Variants in MYH11 observed in about 807,000 individuals in gnomAD.
MYH11 encodes myosin heavy chain 11, also known as myosin-11.
MYH11 carries 80 observed loss-of-function variants against 246.6 expected under a neutral mutation model. That is an observed-to-expected ratio of 0.32 (90% CI 0.27 to 0.39). The LOEUF is 0.39. MYH11 is among the 10% of genes least tolerant of loss of function. The pLI is 1.00. For missense variants in MYH11, 2,158 were observed against 2,546.8 expected (o/e 0.85, Z 3.29); for synonymous variants, 1,071 against 1,015.5 (o/e 1.05, Z -1.04).
intron 38 of MYH11, among the ~76,000 whole-genome samples, chr16:15,715,829 A>G (rs1351591763): frequency 6.6e-6 from 1 of 152,062 alleles, no homozygotes; most frequent in Non-Finnish European, 1.5e-5. Context: ...AGTTTTTCAT[A>G]GAAACGGAGT....
chr16:15,760,531 C>T lies in MYH11; in HGVS notation c.1248+9G>A. ...TGCATGGATGGATAAGTGATAAGTACATCATTACCTGTTCTTTTGTCTGAG... is the reference window on the plus strand; with the variant it reads ...TGCATGGATGGATAAGTGATAAGTATATCATTACCTGTTCTTTTGTCTGAG... On this transcript the variant is annotated intron_variant, in intron 11 of 40. Coordinates refer to ENST00000300036, the MANE Select transcript of MYH11 (RefSeq NM_002474.3). 2 of 1,581,642 alleles carry T rather than the reference C, an allele frequency of 1.3e-6. No homozygotes were observed. The highest frequency in any genetic ancestry group is 1.7e-6 in the Non-Finnish European group (2 of 1,150,516).
At chr16:15,848,228 CTTTTTTTTTTTT>C (rs71134473) in intron 1 of MYH11, among the ~76,000 whole-genome samples, 1 of 104,380 alleles carries the variant, frequency 9.6e-6, no homozygotes, top group African/African-American at 3.4e-5. Flanking sequence ...GTTGCTAAGT[CTTTTTTTTTTTT>C]TTTTTTTTTT....
chr16:15,715,224 C>T lies in MYH11; in HGVS notation c.5553G>A (p.Leu1851=), dbSNP rs537426836. Residue 1851 remains leucine (L), a synonymous_variant, in exon 39 of 41, where the codon CTG becomes CTA. Transcript: ENST00000300036. ...CCTCCACCTGCAGCAAGATTTCCTTCAGCTTCTTGTCTTTCTGCTTCAGCG... is the reference window on the plus strand; with the variant it reads ...CCTCCACCTGCAGCAAGATTTCCTTTAGCTTCTTGTCTTTCTGCTTCAGCG... ...TKSLKQKDKK[L]KEILLQVEDE... is the part of the protein sequence containing the mutation. 7 of 1,614,164 alleles carry T rather than the reference C, an allele frequency of 4.3e-6. 1 individual carries two copies. In the East Asian group the frequency reaches 1.1e-4, roughly 26 times the overall value.
rs767291282 is a variant in MYH11, at chr16:15,740,114, G to C, written c.2934C>G (p.Ala978=). ...TCTCATCCTCCAGTTTCTTGATCTT[G>C]GCCTCAGCCGTGACCTTCTCAAGTT... The part of the protein sequence containing the change: ...KLQLEKVTAE[A]KIKKLEDEIL... Residue 978 remains alanine (A), a synonymous_variant, in exon 23 of 41, where the codon GCC becomes GCG. Coordinates refer to ENST00000300036, the MANE Select transcript of MYH11 (RefSeq NM_002474.3). The C allele has an allele frequency of 6.2e-7, 1 of 1,614,190 alleles. No homozygotes were observed. Among genetic ancestry groups the C allele is most frequent in the South Asian group, 1.1e-5 (1 of 91,092 alleles).
Position 15,750,459 on chromosome 16 carries a change from T to G in MYH11, c.1865-128A>C. 1 of 914,414 alleles carries G rather than the reference T, an allele frequency of 1.1e-6. No individual in the cohort carries two copies. The highest frequency in any genetic ancestry group is 1.7e-6 in the Non-Finnish European group (1 of 591,352). The allele number at this position is 914,414 out of a possible 1,614,324, so 56.6% of individuals were successfully genotyped here. The stretch of plus-strand genomic sequence containing the variant: ...TTTCCTTCCATCACCAACGCCTCCT[T>G]CGGCAGTCAGGGTTTCCAAGTATTG... On this transcript the variant is annotated intron_variant, in intron 15 of 40. Transcript: ENST00000300036. This position sits in a 1 kb window ranked among gnomAD's most constrained non-coding sequence, Gnocchi z 4.3.
At chr16:15,792,639 C>T (rs2042637111) in intron 4 of MYH11, 1 of 152,110 alleles carries the variant, frequency 6.6e-6, no homozygotes, top group Admixed American at 6.5e-5. Context: ...AACAGACAGA[C>T]AAGGGCCTGA....
chr16:15,813,299 C>A (rs1389234096), intron 3 of MYH11, among the ~76,000 whole-genome samples: 1 of 151,836 alleles, frequency 6.6e-6, no homozygotes, highest in African/African-American at 2.4e-5. Context: ...CAGTGAGTTA[C>A]AATCGCACCA....
rs12925609 is a variant in MYH11, at chr16:15,816,074, A to T, written c.502+7181T>A. ...AGATATGGAAGTTCTCAATGCCTCA[A>T]GATCACGTACATTCTTTCTTGGGAA... is the stretch of plus-strand genomic sequence containing the variant. On this transcript the variant is annotated intron_variant, in intron 3 of 40. Coordinates refer to ENST00000300036, the MANE Select transcript of MYH11 (RefSeq NM_002474.3). Among the ~76,000 whole-genome samples the T allele has an allele frequency of 5.9e-5, 9 of 152,356 alleles. No homozygotes were observed. In the East Asian group the frequency reaches 1.7e-3, roughly 29 times the overall value.
chr16:15,825,440 C>T (rs2043535799), intron 2 of MYH11, among the ~76,000 whole-genome samples: 2 of 151,582 alleles, frequency 1.3e-5, no homozygotes, highest in South Asian at 4.2e-4. Flanking sequence ...ACCTGTAGTC[C>T]CAGCTACTTG....
At chr16:15,775,780 G>A (rs1303373010) in intron 8 of MYH11, 1 of 446,012 alleles carries the variant, frequency 2.2e-6, no homozygotes. Flanking sequence ...GGCGTAGATT[G>A]TGTCTAGTTG....
chr16:15,820,259 A>G (rs894030828), intron 3 of MYH11, among the ~76,000 whole-genome samples: 1 of 152,064 alleles, frequency 6.6e-6, no homozygotes, highest in Non-Finnish European at 1.5e-5. Context: ...GGCAGATCAC[A>G]ATGTCAGGAG....
rs35907978 is a variant in MYH11, at chr16:15,821,924, C to CA, written c.502+1330dup. 1.3e-3 allele frequency among the ~76,000 whole-genome samples: 135 copies of CA among 107,312 alleles called. 7 individuals carry two copies. Among genetic ancestry groups the CA allele is most frequent in the Admixed American group, 2.4e-3 (26 of 10,650 alleles). The allele number at this position is 107,312 out of a possible 152,430, so 70.4% of individuals were successfully genotyped here. A position where few individuals can be genotyped will look rare whatever the true frequency, so the allele number is the denominator to read the frequency against. ...TGGGCGACAGAGCGAGACTCCGTCT[C>CA]AAAAAAAAAAAAAAGACAGATACCT... On this transcript the variant is annotated intron_variant, in intron 3 of 40. Transcript: ENST00000300036.
chr16:15,708,291 C>T (rs965518339), intron 40 of MYH11, among the ~76,000 whole-genome samples: 4 of 152,166 alleles, frequency 2.6e-5, no homozygotes, highest in East Asian at 1.9e-4. Context: ...CTGGTTGCCG[C>T]GCCGCAGTTA....
In MYH11 at chr16:15,720,179, T is replaced by G. The variant is rs1359060930; in HGVS notation, c.4925A>C (p.Glu1642Ala). 1 of 1,613,886 alleles carries G rather than the reference T, an allele frequency of 6.2e-7. No homozygotes were observed. Among genetic ancestry groups the G allele is most frequent in the African/African-American group, 1.3e-5 (1 of 74,866 alleles). Reference sequence around the variant, plus strand: ...CAGTTTGCGTAGCTGCTTGATGGCTTCCTCCCTCCCCTTGATGGCAGAGTC... The same window carrying G: ...CAGTTTGCGTAGCTGCTTGATGGCTGCCTCCCTCCCCTTGATGGCAGAGTC... ...QADSAIKGRE[E>A]AIKQLRKLQA... Residue 1642 changes from glutamate (E) to alanine (A), a missense_variant, in exon 34 of 41, where the codon GAA becomes GCA. Glu to Ala is a moderately radical substitution (Grantham distance 107, BLOSUM62 -1). Around this residue, in one of 11 missense-constraint regions of MYH11, gnomAD observed 1,013 missense variants for 993.5 expected, o/e 1.02. Transcript: ENST00000300036.
At position 15,719,246 on chromosome 16, in the gene MYH11, C is replaced by T; in HGVS notation, c.5145G>A (p.Glu1715=). The part of the protein sequence containing the change: ...QADLEKEELA[E]ELASSLSGRN... ...TTCCCGACAGGCTACTGGCCAGCTC[C>T]TCTGCCAGTTCCTCCTTCTCGAGGT... Residue 1715 remains glutamate (E), a synonymous_variant, in exon 36 of 41, where the codon GAG becomes GAA. Transcript: ENST00000300036. The T allele has an allele frequency of 1.9e-6, 3 of 1,613,710 alleles. No homozygotes were observed. Among genetic ancestry groups the T allele is most frequent in the Non-Finnish European group, 2.5e-6 (3 of 1,180,038 alleles).
rs181888156 is a variant in MYH11 at position 15,756,531 on chromosome 16, G to A, written c.1576-17C>T. 7.2e-5 allele frequency: 116 copies of A among 1,614,094 alleles called. 2 individuals carry two copies. In the East Asian group the frequency reaches 2.3e-3, roughly 32 times the overall value. On this transcript the variant is annotated splice_polypyrimidine_tract_variant and intron_variant, in intron 13 of 40. Transcript: ENST00000300036. The stretch of plus-strand genomic sequence containing the variant: ...AGGGTTGTTCTGTGGGAGACAAGTA[G>A]GGCTTGAATCAGAGAGAACACCCAA...
intron 1 of MYH11, among the ~76,000 whole-genome samples, chr16:15,847,690 A>T (rs1006445141): frequency 6.6e-6 from 1 of 152,206 alleles, no homozygotes; most frequent in African/African-American, 2.4e-5. Context: ...AGACTTAAAA[A>T]CACAAACAAG....
chr16:15,827,790 G>C (rs2043611262), intron 2 of MYH11, among the ~76,000 whole-genome samples: 1 of 152,234 alleles, frequency 6.6e-6, no homozygotes, highest in Admixed American at 6.5e-5. Flanking sequence ...GGCCTTGCAC[G>C]GCGGCAGTAG....
intron 1 of MYH11, among the ~76,000 whole-genome samples, chr16:15,855,522 A>C (rs1273076819): frequency 6.6e-6 from 1 of 152,120 alleles, no homozygotes; most frequent in Non-Finnish European, 1.5e-5. Flanking sequence ...GTGACACTTT[A>C]CCTCTCTGAG....
Sources: gnomAD v4.1 joint callset for allele counts (sites outside exome capture counted in the v4.1 genomes callset) on GRCh38, gnomAD v4.1.1 for gene constraint, gnomAD v4.1.1 regional missense constraint, Gnocchi (gnomAD v3.1) non-coding constraint, MANE v1.5 for transcripts, NCBI Gene and HGNC (gene_info 2026-07-23, HGNC 2026-07-21) for gene names.